Variants in THUMPD3 observed in about 807,000 individuals in gnomAD.
THUMPD3 encodes tRNA (guanine(6)-N(2))-methyltransferase THUMP3.
THUMPD3 carries 44 observed loss-of-function variants against 54.5 expected under a neutral mutation model. That is an observed-to-expected ratio of 0.81 (90% CI 0.63 to 1.04). THUMPD3 has a LOEUF of 1.04. Ranked by LOEUF, THUMPD3 falls within the 50% of genes least tolerant of loss-of-function variation. The pLI, the probability that THUMPD3 is intolerant of heterozygous loss-of-function variation, is 0.00. For synonymous variants in THUMPD3, 196 were observed against 201.4 expected (o/e 0.97, Z 0.23); for missense variants, 604 against 601.3 (o/e 1.00, Z -0.05).
intron 4 of THUMPD3, among the ~76,000 whole-genome samples, 176 bp from the exon 5 acceptor site, chr3:9,374,340 C>T (rs559800052): frequency 3.9e-5 from 6 of 152,126 alleles, no homozygotes; most frequent in East Asian, 1.9e-4. Context: ...GGCTGTGGTG[C>T]GCTATGCCAA....
rs771247406 is a variant in THUMPD3, at chr3:9,384,292, G to A, written c.1316G>A (p.Gly439Asp). 2 of 1,614,164 alleles carry A rather than the reference G, an allele frequency of 1.2e-6. No individual in the cohort carries two copies. The highest frequency in any genetic ancestry group is 8.5e-7 in the Non-Finnish European group (1 of 1,180,028). Residue 439 changes from glycine to aspartate, a missense_variant, in exon 9 of 10, where the codon GGC becomes GAC. Gly to Asp is a moderately conservative substitution (Grantham distance 94). Transcript: ENST00000452837. Reference protein sequence around the residue: ...EMSRVCTPTTGRAVLLTQDTK... With the variant: ...EMSRVCTPTTDRAVLLTQDTK... ...AGCCGTGTCTGCACACCTACCACAG[G>A]CCGAGCTGTACTACTTACTCAAGAC...
intron 4 of THUMPD3, among the ~76,000 whole-genome samples, chr3:9,372,286 T>A (rs569435320): frequency 6.6e-6 from 1 of 152,150 alleles, no homozygotes; most frequent in South Asian, 2.1e-4. Context: ...ACTGAAAAAA[T>A]AAAATAAGGC....
chr3:9,377,667 G>T, intron 5 of THUMPD3, 152 bp from the exon 6 acceptor site: 1 of 562,338 alleles, frequency 1.8e-6, no homozygotes. Flanking sequence ...GAGTCACCGT[G>T]CGCGGCCACA....
intron 6 of THUMPD3, 30 bp downstream of exon 6, chr3:9,377,918 G>A: frequency 1.3e-6 from 2 of 1,555,554 alleles, no homozygotes; most frequent in Non-Finnish European, 1.8e-6. Flanking sequence ...TTTTAGATAA[G>A]AGTGATACAT....
At chr3:9,382,030 A>AC (rs1184330007) in intron 7 of THUMPD3, among the ~76,000 whole-genome samples, 2 of 150,926 alleles carry the variant, frequency 1.3e-5, no homozygotes, top group Non-Finnish European at 3.0e-5. Context: ...TGATCTGCCC[A>AC]CCTTGGCCTC....
intron 1 of THUMPD3, 28 bp from the exon 2 acceptor site, chr3:9,364,988 T>C: frequency 6.6e-7 from 1 of 1,511,392 alleles, no homozygotes; most frequent in South Asian, 1.3e-5. Context: ...ATGATAATAT[T>C]TGGGCTTTAT....
In THUMPD3 at chr3:9,384,934, T is replaced by A; in HGVS notation, c.*246T>A. The A allele has an allele frequency of 2.4e-6, 1 of 409,268 alleles. No individual in the cohort carries two copies. Among genetic ancestry groups the A allele is most frequent in the South Asian group, 3.0e-5 (1 of 33,770 alleles). The allele number at this position is 409,268 out of a possible 1,614,324, so 25.4% of individuals were successfully genotyped here. On this transcript the variant is annotated 3_prime_UTR_variant, in exon 10 of 10. Coordinates refer to ENST00000452837, the MANE Select transcript of THUMPD3 (RefSeq NM_001114092.2). ...GCCGAAGTGTGCAGATCACCTGAGGTCCGGAGACCAGCCTGGCCAACATGG... is the reference window on the plus strand; with the variant it reads ...GCCGAAGTGTGCAGATCACCTGAGGACCGGAGACCAGCCTGGCCAACATGG...
chr3:9,363,288 C>A (rs1476674358), intron 1 of THUMPD3, 161 bp downstream of exon 1: 1 of 152,220 alleles, frequency 6.6e-6, no homozygotes, highest in Admixed American at 6.5e-5. Flanking sequence ...AGGCCTTTAC[C>A]CGCTCCCTAG....
Position 9,385,453 on chromosome 3 carries a change from CATTTT to C in THUMPD3, c.*766_*770del, listed in dbSNP as rs1412170678. 1 of 152,186 alleles carries C rather than the reference CATTTT, an allele frequency of 6.6e-6. No individual in the cohort carries two copies. The highest frequency in any genetic ancestry group is 1.5e-5 in the Non-Finnish European group (1 of 68,042). The allele number at this position is 152,186 out of a possible 1,614,324, so 9.4% of individuals were successfully genotyped here. A position where few individuals can be genotyped will look rare whatever the true frequency, so the allele number is the denominator to read the frequency against. On this transcript the variant is annotated 3_prime_UTR_variant, in exon 10 of 10. Coordinates refer to ENST00000452837, the MANE Select transcript of THUMPD3 (RefSeq NM_001114092.2). ...AACCTGAAGGAATGAAGCATTATTA[CATTTT>C]GTGAATGGTGTTCAGCCTATAAGAC...
chr3:9,376,405 C>A (rs2032462794), intron 5 of THUMPD3, among the ~76,000 whole-genome samples: 1 of 152,200 alleles, frequency 6.6e-6, no homozygotes, highest in South Asian at 2.1e-4. Flanking sequence ...AAACGACCAA[C>A]CCACACTGCC....
chr3:9,363,686 C>T (rs2031134010), intron 1 of THUMPD3: 1 of 152,068 alleles, frequency 6.6e-6, no homozygotes, highest in Non-Finnish European at 1.5e-5. Flanking sequence ...GGATTACTTC[C>T]AAGATCTCTC....
At chr3:9,373,319 C>G (rs1210285860) in intron 4 of THUMPD3, among the ~76,000 whole-genome samples, 1 of 151,848 alleles carries the variant, frequency 6.6e-6, no homozygotes, top group Non-Finnish European at 1.5e-5. Flanking sequence ...ATAGGGAGAC[C>G]CTGTCTCTAC....
chr3:9,383,256 A>G lies in THUMPD3; in HGVS notation c.1182A>G (p.Pro394=), dbSNP rs1204545923. ...DAVQWDICNL[P]LRTGSVDIIV... ...TTCAGTGGGATATCTGCAATCTGCC[A>G]TTGAGAACTGGCTCTGTGGATATTA... Residue 394 remains proline (P), a synonymous_variant, in exon 8 of 10, where the codon CCA becomes CCG. Coordinates refer to ENST00000452837, the MANE Select transcript of THUMPD3 (RefSeq NM_001114092.2). 6.2e-7 allele frequency: 1 copy of G among 1,614,024 alleles called. No individual in the cohort carries two copies. Among genetic ancestry groups the G allele is most frequent in the African/African-American group, 1.3e-5 (1 of 74,938 alleles).
In THUMPD3 at chr3:9,371,401, G is replaced by A. The variant is rs753416206; in HGVS notation, c.672G>A (p.Val224=). ...ESSKEETEPQ[V]LKFRVTCNRA... is the part of the protein sequence containing the mutation. ...CAAAAGAAGAAACTGAGCCTCAAGT[G>A]CTGAAGTTTAGAGTCACATGCAACA... is the stretch of plus-strand genomic sequence containing the variant. Residue 224 remains valine, a synonymous_variant, in exon 4 of 10, where the codon GTG becomes GTA. Transcript: ENST00000452837. 3.1e-6 allele frequency: 5 copies of A among 1,614,068 alleles called. No individual in the cohort carries two copies. The highest frequency in any genetic ancestry group is 1.7e-5 in the Admixed American group (1 of 60,008).
intron 3 of THUMPD3, among the ~76,000 whole-genome samples, chr3:9,370,844 G>A (rs934721975): frequency 1.3e-5 from 2 of 152,194 alleles, no homozygotes; most frequent in African/African-American, 4.8e-5. Context: ...AGATAGAGAT[G>A]ATTTAAGTTA....
chr3:9,383,119 G>A (rs1273829631), intron 7 of THUMPD3, 80 bp from the exon 8 acceptor site: 1 of 887,312 alleles, frequency 1.1e-6, no homozygotes, highest in Admixed American at 1.9e-5. Context: ...TGCTGTAGCA[G>A]TCTCTCTTCA....
rs2032018307 is a variant in THUMPD3 at position 9,371,307 on chromosome 3, T to C, written c.578T>C (p.Ile193Thr). The C allele has an allele frequency of 4.3e-6, 7 of 1,613,942 alleles. No homozygotes were observed. The highest frequency in any genetic ancestry group is 5.9e-6 in the Non-Finnish European group (7 of 1,180,024). The change falls in exon 4 of 10, where the codon ATC (isoleucine) becomes ACC (threonine). Residue 193 changes from isoleucine (I) to threonine (T), a missense_variant. Coordinates refer to ENST00000452837, the MANE Select transcript of THUMPD3 (RefSeq NM_001114092.2). ...TTAGATTATTATGAAAATCCAGCCA[T>C]CAAAGAGGATGTATCAACATTAATA... is the stretch of plus-strand genomic sequence containing the variant. ...HILDYYENPA[I>T]KEDVSTLIGD...
intron 3 of THUMPD3, 80 bp from the exon 4 acceptor site, chr3:9,370,980 T>G (rs112495417): frequency 4.1e-6 from 5 of 1,219,930 alleles, no homozygotes; most frequent in African/African-American, 3.0e-5. Context: ...GGATACCAAC[T>G]GTCCATAAGC....
At position 9,364,545 on chromosome 3, in the gene THUMPD3, C is replaced by T. The variant is rs2031322624; in HGVS notation, c.-53-471C>T. 2.6e-5 allele frequency among the ~76,000 whole-genome samples: 4 copies of T among 152,050 alleles called. No homozygotes were observed. In the South Asian group the frequency reaches 8.3e-4, roughly 32 times the overall value. ...TATTTTTAGTAGAGACGGGGTTTCA[C>T]CATGTGGGCCAGGCTGGTCTTGAAC... On this transcript the variant is annotated intron_variant, in intron 1 of 9. Coordinates refer to ENST00000452837, the MANE Select transcript of THUMPD3 (RefSeq NM_001114092.2).
Sources: allele counts gnomAD v4.1 joint callset (sites outside exome capture counted in the v4.1 genomes callset), GRCh38; gene constraint gnomAD v4.1.1; transcripts MANE v1.5; gene names NCBI Gene and HGNC (gene_info 2026-07-23, HGNC 2026-07-21).